PRG4: variants seen among roughly 807,000 people sequenced by gnomAD.
PRG4 encodes the protein proteoglycan 4, also known as articular superficial zone protein.
In PRG4, 61 loss-of-function variants were observed where a neutral mutation model predicts 91.2. That is an observed-to-expected ratio of 0.67 (90% CI 0.54 to 0.83). The LOEUF (loss-of-function observed/expected upper bound fraction) is 0.83, where lower values mean the gene tolerates loss of function less well. Among genes scored for constraint, PRG4 ranks in the 40% least tolerant of loss-of-function variants. The pLI is 0.00. For synonymous variants in PRG4, 576 were observed against 614.2 expected (o/e 0.94, Z 0.92); for missense variants, 1,564 against 1,714.2 (o/e 0.91, Z 1.55).
chr1:186,304,505 A>G (rs1656422129), intron 5 of PRG4, among the ~76,000 whole-genome samples: 1 of 152,240 alleles, frequency 6.6e-6, no homozygotes, highest in African/African-American at 2.4e-5. Flanking sequence ...AAATCTTACT[A>G]TAAAAAACAA....
chr1:186,314,345 G>T lies in PRG4; in HGVS notation c.*567G>T. ...GGCAATAGGTAGAGATACAACAAAT[G>T]AATATAACACTATAACACTTCATAT... On this transcript the variant is annotated 3_prime_UTR_variant, in exon 13 of 13. Coordinates refer to ENST00000445192, the MANE Select transcript of PRG4 (RefSeq NM_005807.6). 2.6e-6 allele frequency: 1 copy of T among 380,742 alleles called. No individual in the cohort carries two copies. Among genetic ancestry groups the T allele is most frequent in the East Asian group, 4.6e-5 (1 of 21,624 alleles). 23.6% of individuals were successfully genotyped at this position (380,742 alleles called of 1,614,324 possible).
chr1:186,311,618 AG>A, intron 10 of PRG4, 22 bp downstream of exon 10: 1 of 1,607,724 alleles, frequency 6.2e-7, no homozygotes, highest in Non-Finnish European at 8.5e-7. Flanking sequence ...ATAATTGACA[AG>A]ATTACAAAAC....
intron 4 of PRG4, among the ~76,000 whole-genome samples, chr1:186,303,030 C>T (rs1178265498): frequency 6.6e-6 from 1 of 152,070 alleles, no homozygotes; most frequent in Admixed American, 6.6e-5. Flanking sequence ...CCACTCAGAA[C>T]CTCAATACTT....
intron 4 of PRG4, 59 bp downstream of exon 4, chr1:186,301,770 T>C (rs1366114136): frequency 6.4e-7 from 1 of 1,568,006 alleles, no homozygotes; most frequent in South Asian, 1.1e-5. Flanking sequence ...GCACCTACCT[T>C]AGCATCACTG....
rs1309080020 is a variant in PRG4, at chr1:186,308,993, C to A, written c.3274C>A (p.Pro1092Thr). The A allele has an allele frequency of 1.2e-6, 2 of 1,609,398 alleles. No homozygotes were observed. The highest frequency in any genetic ancestry group is 2.2e-5 in the East Asian group (1 of 44,826). ...TPNSKLVEVNPKSEDAGGAEG... is the reference protein window; with the variant it reads ...TPNSKLVEVNTKSEDAGGAEG... ...AAACTCCAAACTAGTTGAAGTAAAT[C>A]CAAAGAGTGAAGATGCAGGTGGTGC... is the stretch of plus-strand genomic sequence containing the variant. The change falls in exon 7 of 13, where the codon CCA (proline) becomes ACA (threonine). Residue 1092 changes from proline to threonine, a missense_variant. This residue lies in a region of PRG4 where 1,079 missense variants were observed against 1,162.2 expected (regional missense o/e 0.93). Transcript: ENST00000445192.
At chr1:186,312,659 G>A in intron 11 of PRG4, 110 bp from the exon 12 acceptor site, 1 of 1,192,742 alleles carries the variant, frequency 8.4e-7, no homozygotes, top group South Asian at 1.2e-5. Context: ...ACCCTCAATA[G>A]TTCTACATCA....
Position 186,314,266 on chromosome 1 carries a change from T to C in PRG4, c.*488T>C, listed in dbSNP as rs1657502730. On this transcript the variant is annotated 3_prime_UTR_variant, in exon 13 of 13. Coordinates refer to ENST00000445192, the MANE Select transcript of PRG4 (RefSeq NM_005807.6). ...ATTAAAATTTTACACTTTTACTAGC[T>C]AAAACATAATCACAAAGCTTTATCG... is the stretch of plus-strand genomic sequence containing the variant. 1 of 459,564 alleles carries C rather than the reference T, an allele frequency of 2.2e-6. No homozygotes were observed. Among genetic ancestry groups the C allele is most frequent in the Non-Finnish European group, 3.8e-6 (1 of 262,172 alleles). 28.5% of individuals were successfully genotyped at this position (459,564 alleles called of 1,614,324 possible).
intron 1 of PRG4, among the ~76,000 whole-genome samples, chr1:186,296,644 G>T (rs1454232883): frequency 6.6e-6 from 1 of 152,160 alleles, no homozygotes; most frequent in Non-Finnish European, 1.5e-5. Flanking sequence ...GTGGCTGAGG[G>T]TGACTTGATT....
At position 186,307,574 on chromosome 1, in the gene PRG4, A is replaced by G. The variant is rs762786276; in HGVS notation, c.1855A>G (p.Thr619Ala). The change falls in exon 7 of 13, where the codon ACC becomes GCC. Residue 619 changes from threonine to alanine, a missense_variant. By Grantham distance (58) the Thr-to-Ala change is moderately conservative. Coordinates refer to ENST00000445192, the MANE Select transcript of PRG4 (RefSeq NM_005807.6). ...AACTACCCCCAAGGAGACTGCACCC[A>G]CCACCCCCAAGAAGCTCACGCCCAC... Reference protein sequence around the residue: ...APTTPKETAPTTPKKLTPTTP... With the variant: ...APTTPKETAPATPKKLTPTTP... 8.4e-6 allele frequency: 13 copies of G among 1,551,322 alleles called. No individual in the cohort carries two copies. In the South Asian group the frequency reaches 1.5e-4, roughly 17 times the overall value.
intron 2 of PRG4, among the ~76,000 whole-genome samples, chr1:186,299,428 G>A (rs1480773417): frequency 1.3e-5 from 2 of 152,208 alleles, no homozygotes; most frequent in Non-Finnish European, 2.9e-5. Flanking sequence ...GAGGCAAAGC[G>A]ACAGGTGGAA....
chr1:186,303,764 T>C (rs982283998), intron 4 of PRG4, among the ~76,000 whole-genome samples: 1 of 152,146 alleles, frequency 6.6e-6, no homozygotes, highest in Non-Finnish European at 1.5e-5. Flanking sequence ...CCTTCAGAAA[T>C]CATCTTGAAT....
chr1:186,299,395 T>C (rs893188491), intron 2 of PRG4, among the ~76,000 whole-genome samples: 6 of 152,244 alleles, frequency 3.9e-5, no homozygotes, highest in African/African-American at 1.4e-4. Flanking sequence ...ACCAGCGTGC[T>C]TTAAACTTAT....
chr1:186,308,408 G>A lies in PRG4; in HGVS notation c.2689G>A (p.Gly897Ser), dbSNP rs1157710917. Reference sequence around the variant, plus strand: ...TCTTGAAAACAGTCCCAAGGAACCTGGTGTACCTACAACTAAGACTCCTGC... The same window carrying A: ...TCTTGAAAACAGTCCCAAGGAACCTAGTGTACCTACAACTAAGACTCCTGC... ...KALENSPKEP[G>S]VPTTKTPAAT... The change falls in exon 7 of 13, where the codon GGT becomes AGT. Residue 897 changes from glycine to serine, a missense_variant. This residue lies in a region of PRG4 where 1,079 missense variants were observed against 1,162.2 expected (regional missense o/e 0.93). Transcript: ENST00000445192. 6.2e-6 allele frequency: 10 copies of A among 1,613,794 alleles called. No individual in the cohort carries two copies. Among genetic ancestry groups the A allele is most frequent in the Non-Finnish European group, 8.5e-6 (10 of 1,180,042 alleles).
chr1:186,306,263 A>G, intron 6 of PRG4, 55 bp from the exon 7 acceptor site: 1 of 1,364,876 alleles, frequency 7.3e-7, no homozygotes, highest in Non-Finnish European at 1.0e-6. Flanking sequence ...TCTTTATGTC[A>G]CTATTAAAGA....
chr1:186,311,656 C>T, intron 10 of PRG4, 60 bp downstream of exon 10: 2 of 1,505,726 alleles, frequency 1.3e-6, no homozygotes, highest in Non-Finnish European at 1.8e-6. Flanking sequence ...TCAGCATTTT[C>T]ATTTATTATT....
chr1:186,304,875 C>T lies in PRG4; in HGVS notation c.551C>T (p.Ser184Phe). The T allele has an allele frequency of 6.2e-7, 1 of 1,613,344 alleles. No individual in the cohort carries two copies. The highest frequency in any genetic ancestry group is 1.3e-5 in the African/African-American group (1 of 74,982). ...SSSSTIRKIK[S>F]SKNSAANREL... is the part of the protein sequence containing the mutation. ...TCTTCAACAATTCGGAAAATCAAGT[C>T]TTCCAAAAATTCAGCTGCTAATAGA... is the stretch of plus-strand genomic sequence containing the variant. The change falls in exon 6 of 13, where the codon TCT becomes TTT. Residue 184 changes from serine to phenylalanine, a missense_variant. Coordinates refer to ENST00000445192, the MANE Select transcript of PRG4 (RefSeq NM_005807.6).
chr1:186,303,363 G>A (rs1242457928), intron 4 of PRG4, among the ~76,000 whole-genome samples: 1 of 151,734 alleles, frequency 6.6e-6, no homozygotes, highest in Non-Finnish European at 1.5e-5. Context: ...GGGCGATGTT[G>A]CGGGGAGCAG....
In PRG4 at chr1:186,311,073, C is replaced by T. The variant is rs141924795; in HGVS notation, c.3539C>T (p.Ser1180Phe). The change falls in exon 9 of 13, where the codon TCT (serine) becomes TTT (phenylalanine). Residue 1180 changes from serine (S) to phenylalanine (F), a missense_variant. Around this residue, in one of 3 missense-constraint regions of PRG4, gnomAD observed 1,079 missense variants for 1,162.2 expected, o/e 0.93. Transcript: ENST00000445192. Reference sequence around the variant, plus strand: ...ATGCTAAGTCCATTCAGTCCACCATCTCCAGCTCGCAGAATTACTGAAGTT... The same window carrying T: ...ATGCTAAGTCCATTCAGTCCACCATTTCCAGCTCGCAGAATTACTGAAGTT... ...FWMLSPFSPP[S>F]PARRITEVWG... 3.7e-6 allele frequency: 6 copies of T among 1,613,818 alleles called. No homozygotes were observed. The highest frequency in any genetic ancestry group is 4.5e-5 in the East Asian group (2 of 44,874).
Position 186,313,709 on chromosome 1 carries a change from T to G in PRG4, c.4146T>G (p.Ser1382Arg). Reference protein sequence around the residue: ...KDQYYNIDVPSRTARAITTRS... With the variant: ...KDQYYNIDVPRRTARAITTRS... ...AATACTATAACATTGATGTGCCTAG[T>G]AGAACAGCAAGAGCAATTACTACTC... is the stretch of plus-strand genomic sequence containing the variant. The change falls in exon 13 of 13, where the codon AGT becomes AGG. Residue 1382 changes from serine to arginine, a missense_variant. Ser to Arg is a moderately radical substitution (Grantham distance 110). Transcript: ENST00000445192. 6.2e-7 allele frequency: 1 copy of G among 1,608,028 alleles called. No homozygotes were observed. Among genetic ancestry groups the G allele is most frequent in the South Asian group, 1.1e-5 (1 of 90,938 alleles).
Sources: allele counts gnomAD v4.1 joint callset (sites outside exome capture counted in the v4.1 genomes callset), GRCh38; gene constraint gnomAD v4.1.1; regional missense constraint gnomAD v4.1.1; transcripts MANE v1.5; gene names NCBI Gene and HGNC (gene_info 2026-07-23, HGNC 2026-07-21).